The following GALK1 variants were observed in gnomAD, a reference collection of about 807,000 sequenced individuals.
GALK1 encodes the protein galactokinase.
A neutral mutation model predicts 38.6 loss-of-function variants in GALK1; 30 were observed. The observed-to-expected ratio is 0.78, with a 90% CI of 0.58 to 1.05. The LOEUF (loss-of-function observed/expected upper bound fraction) is 1.05, where lower values mean the gene tolerates loss of function less well. Among genes scored for constraint, GALK1 ranks in the 50% least tolerant of loss-of-function variants. GALK1 has a pLI of 0.00. For missense variants in GALK1, 512 were observed against 540.5 expected (o/e 0.95, Z 0.52); for synonymous variants, 240 against 233.6 (o/e 1.03, Z -0.25).
downstream of GALK1, chr17:75,757,071 C>A (rs759302516): frequency 6.2e-7 from 1 of 1,612,840 alleles, no homozygotes; most frequent in East Asian, 2.2e-5. Flanking sequence ...CGGGCCAGAG[C>A]GCGAGGGCAT....
chr17:75,752,626 C>G (rs145269512), intron 8 of GALK1: 1 of 1,609,288 alleles, frequency 6.2e-7, no homozygotes, highest in South Asian at 1.1e-5. Flanking sequence ...GTCTTGGGTA[C>G]AGAGTGAGTC....
At chr17:75,753,784 G>T (rs921593977), downstream of GALK1, 1 of 1,453,260 alleles carries the variant, frequency 6.9e-7, no homozygotes, top group African/African-American at 1.4e-5. Context: ...GGAAGTTCGA[G>T]CCCCTGCTGG....
At chr17:75,756,510 T>C (rs756708391), downstream of GALK1, 1 of 1,613,280 alleles carries the variant, frequency 6.2e-7, no homozygotes, top group South Asian at 1.1e-5. Context: ...CACTCCTACG[T>C]GTTCCGCGTG....
At chr17:75,764,816 G>T in intron 1 of GALK1, 156 bp downstream of exon 1, 1 of 797,502 alleles carries the variant, frequency 1.3e-6, no homozygotes, top group Non-Finnish European at 2.0e-6. Context: ...GGAACAGCCT[G>T]TCCCGGGGAC....
At chr17:75,759,752 C>T (rs1469172241) in intron 5 of GALK1, among the ~76,000 whole-genome samples, 1 of 152,136 alleles carries the variant, frequency 6.6e-6, no homozygotes. Flanking sequence ...CTCTGGAGAA[C>T]GTGACACAGT....
At chr17:75,756,697 C>A (rs530599037), downstream of GALK1, 1 of 1,613,382 alleles carries the variant, frequency 6.2e-7, no homozygotes, top group South Asian at 1.1e-5. Flanking sequence ...TCCTCTACTG[C>A]CCCCAGGCTC....
chr17:75,756,683 C>G (rs749106509), downstream of GALK1: 18 of 1,613,330 alleles, frequency 1.1e-5, no homozygotes, highest in African/African-American at 2.0e-4. Context: ...CAGGCTGATG[C>G]TCTTCCTCTA....
At position 75,752,221 on chromosome 17, in the gene GALK1, C is replaced by T. The variant is rs121912467; in HGVS notation, c.*23-484G>A. 3 of 1,613,896 alleles carry T rather than the reference C, an allele frequency of 1.9e-6. No individual in the cohort carries two copies. The highest frequency in any genetic ancestry group is 1.1e-5 in the South Asian group (1 of 91,090). On this transcript the variant is annotated intron_variant, in intron 8 of 8. Coordinates refer to the GALK1 transcript ENST00000225614. ...AGTGCTGGTTGACAACCCTAAGAACCGGATGCTGCTTATTGAGAACCTTCG... is the reference window on the plus strand; with the variant it reads ...AGTGCTGGTTGACAACCCTAAGAACTGGATGCTGCTTATTGAGAACCTTCG...
chr17:75,764,903 C>A, intron 1 of GALK1, 69 bp downstream of exon 1: 1 of 1,537,218 alleles, frequency 6.5e-7, no homozygotes, highest in Non-Finnish European at 8.8e-7. Context: ...CCAGCGTCCC[C>A]GAGGCCCGCC....
At chr17:75,761,863 A>G (rs1039041022) in intron 5 of GALK1, among the ~76,000 whole-genome samples, 7 of 152,176 alleles carry the variant, frequency 4.6e-5, no homozygotes, top group African/African-American at 1.2e-4. Flanking sequence ...TACTAGAACT[A>G]TAAAAAATGT....
Position 75,762,872 on chromosome 17 carries a change from T to C in GALK1, c.625A>G (p.Ser209Gly). ...TTGGGGTCCGAGAGTGGCACCAGGC[T>C]GGTCTCCAAGGACCTGGGGTGGAGT... ...LLIDCRSLETSLVPLSDPKLA... is the reference protein window; with the variant it reads ...LLIDCRSLETGLVPLSDPKLA... Residue 209 changes from serine (S) to glycine (G), a missense_variant, in exon 5 of 8, where the codon AGC becomes GGC. Ser to Gly is a moderately conservative substitution (Grantham distance 56, BLOSUM62 0). Transcript: ENST00000588479. 1 of 1,613,416 alleles carries C rather than the reference T, an allele frequency of 6.2e-7. No homozygotes were observed. The highest frequency in any genetic ancestry group is 8.5e-7 in the Non-Finnish European group (1 of 1,179,868).
chr17:75,755,797 G>A (rs761093847), downstream of GALK1: 44 of 1,610,832 alleles, frequency 2.7e-5, no homozygotes, highest in African/African-American at 8.0e-5. Context: ...CAGGAGCCGC[G>A]GTGCGAGCGG....
At chr17:75,760,812 T>C (rs964694597) in intron 5 of GALK1, among the ~76,000 whole-genome samples, 9 of 150,536 alleles carry the variant, frequency 6.0e-5, no homozygotes, top group African/African-American at 2.2e-4. Flanking sequence ...ACCGGGTGCC[T>C]TTGGTTGCAG....
chr17:75,757,164 G>A, downstream of GALK1: 1 of 1,612,208 alleles, frequency 6.2e-7, no homozygotes, highest in Non-Finnish European at 8.5e-7. Flanking sequence ...CCTCCTTCTG[G>A]CACCACCCTC....
At chr17:75,764,865 C>G in intron 1 of GALK1, 107 bp downstream of exon 1, 1 of 1,271,482 alleles carries the variant, frequency 7.9e-7, no homozygotes, top group Non-Finnish European at 1.1e-6. Flanking sequence ...GCTGCCCGCC[C>G]CACATCTCCC....
downstream of GALK1, among the ~76,000 whole-genome samples, chr17:75,753,578 A>G (rs1409825972): frequency 6.6e-6 from 1 of 152,114 alleles, no homozygotes; most frequent in Non-Finnish European, 1.5e-5. Flanking sequence ...TCAGCCGCGC[A>G]AGGGTTTCAC....
intron 5 of GALK1, 119 bp from the exon 6 acceptor site, chr17:75,758,718 C>T (rs905743924): frequency 1.2e-5 from 15 of 1,293,998 alleles, no homozygotes; most frequent in African/African-American, 4.4e-5. Context: ...TGGAAGGCCG[C>T]GGGGGCAGGG....
rs775883193 is a variant in GALK1 at position 75,752,380 on chromosome 17, GGGGCAGACC to G, written c.*23-652_*23-644del. 5.6e-6 allele frequency: 9 copies of G among 1,612,530 alleles called. 1 individual carries two copies. Among genetic ancestry groups the G allele is most frequent in the African/African-American group, 1.3e-5 (1 of 74,942 alleles). ...CAGTGAGTGGTGGGCAGGGAGGTGA[GGGGCAGACC>G]GGGCAGGGGGGCAGGGGGCAGCAGC... On this transcript the variant is annotated intron_variant, in intron 8 of 8. Transcript: ENST00000225614.
downstream of GALK1, chr17:75,756,368 G>A: frequency 6.3e-7 from 1 of 1,585,718 alleles, no homozygotes; most frequent in Non-Finnish European, 8.7e-7. Flanking sequence ...GGGACGAGGA[G>A]GATCAGGCCA....
Sources: gnomAD v4.1 joint callset for allele counts (sites outside exome capture counted in the v4.1 genomes callset) on GRCh38, gnomAD v4.1.1 for gene constraint, MANE v1.5 for transcripts, NCBI Gene and HGNC (gene_info 2026-07-23, HGNC 2026-07-21) for gene names.